LARGE1: variants seen among roughly 807,000 people sequenced by gnomAD.
LARGE1 encodes the protein xylosyl- and glucuronyltransferase LARGE1.
LARGE1 carries 43 observed loss-of-function variants against 87.6 expected under a neutral mutation model. The ratio of observed to expected loss-of-function variants is 0.49; its 90% CI spans 0.38 to 0.63. The LOEUF (loss-of-function observed/expected upper bound fraction) is 0.63. Ranked by LOEUF, LARGE1 falls within the 30% of genes least tolerant of loss-of-function variation. The pLI is 0.00. For synonymous variants in LARGE1, 434 were observed against 394.6 expected (o/e 1.10, Z -1.18); for missense variants, 802 against 1,000.2 (o/e 0.80, Z 2.67).
At chr22:33,171,531 T>C (rs1245477983) in intron 11 of LARGE1, among the ~76,000 whole-genome samples, 1 of 152,182 alleles carries the variant, frequency 6.6e-6, no homozygotes, top group Non-Finnish European at 1.5e-5. Context: ...CACTGCTCTG[T>C]GTAGCTTCCA....
intron 7 of LARGE1, among the ~76,000 whole-genome samples, chr22:33,414,187 G>A (rs888065602): frequency 6.6e-6 from 1 of 152,012 alleles, no homozygotes; most frequent in Non-Finnish European, 1.5e-5. Context: ...GTTCCATTAC[G>A]CCAAGTGAAA....
chr22:33,339,452 T>C (rs1938904124), intron 9 of LARGE1, among the ~76,000 whole-genome samples: 1 of 152,046 alleles, frequency 6.6e-6, no homozygotes, highest in Non-Finnish European at 1.5e-5. Context: ...ACTCAGACTG[T>C]AGGTACTGCA....
chr22:33,603,413 T>A (rs958123474), intron 5 of LARGE1, among the ~76,000 whole-genome samples: 1 of 152,216 alleles, frequency 6.6e-6, no homozygotes, highest in African/African-American at 2.4e-5. Context: ...GTACCTACTA[T>A]GCACCAGAAA....
At chr22:33,391,686 C>T (rs2065526623) in intron 7 of LARGE1, among the ~76,000 whole-genome samples, 1 of 151,136 alleles carries the variant, frequency 6.6e-6, no homozygotes, top group Non-Finnish European at 1.5e-5. Flanking sequence ...AGAAAGGCTG[C>T]ATAAAGTTGT....
Position 33,361,335 on chromosome 22 carries a change from T to A in LARGE1, c.1131+20584A>T, listed in dbSNP as rs1043360914. ...ACTTTCCTAATGAGGTTCACAGGGG[T>A]TTGACACAACAACTTCCTCTGAAAT... On this transcript the variant is annotated intron_variant, in intron 9 of 14. Coordinates refer to ENST00000397394, the MANE Select transcript of LARGE1 (RefSeq NM_133642.5). Among the ~76,000 whole-genome samples the A allele has an allele frequency of 1.5e-4, 22 of 148,196 alleles. 2 individuals carry two copies. The highest frequency in any genetic ancestry group is 4.9e-4 in the African/African-American group (20 of 40,492).
chr22:33,813,254 GAA>G (rs5845112), intron 1 of LARGE1, among the ~76,000 whole-genome samples: 68 of 114,464 alleles, frequency 5.9e-4, no homozygotes, highest in Admixed American at 7.2e-4. Flanking sequence ...TCCGTCTCAA[GAA>G]AAAAAAAAAA....
intron 2 of LARGE1, among the ~76,000 whole-genome samples, chr22:33,749,264 G>A (rs150187234): frequency 6.6e-6 from 1 of 152,236 alleles, no homozygotes; most frequent in Non-Finnish European, 1.5e-5. Context: ...ACAGGCATGT[G>A]CCACCACGCC....
chr22:33,447,068 A>G (rs1048759602), intron 6 of LARGE1, among the ~76,000 whole-genome samples: 2 of 152,076 alleles, frequency 1.3e-5, no homozygotes, highest in Non-Finnish European at 2.9e-5. Flanking sequence ...TAATTTTTGT[A>G]TTTTTAGTAG....
intron 2 of LARGE1, among the ~76,000 whole-genome samples, chr22:33,728,551 CAAAAAAAAAAAAAAAAAA>C (rs57790780): frequency 5.3e-5 from 2 of 37,462 alleles, no homozygotes; most frequent in Non-Finnish European, 1.4e-4. Context: ...CCCCTACCAC[CAAAAAAAAAAAAAAAAAA>C]AAAAAAAAAA....
At chr22:33,286,160 C>T (rs1260855331) in intron 12 of LARGE1, among the ~76,000 whole-genome samples, 2 of 152,166 alleles carry the variant, frequency 1.3e-5, no homozygotes, top group African/African-American at 4.8e-5. Context: ...GTCAGCCTGT[C>T]CCAGCCTGGA....
chr22:33,688,159 G>T (rs1037846718), intron 2 of LARGE1, among the ~76,000 whole-genome samples: 1 of 152,188 alleles, frequency 6.6e-6, no homozygotes, highest in African/African-American at 2.4e-5. Context: ...CTCGAACGCT[G>T]TCTCTATCTC....
chr22:33,145,174 C>T, the LARGE1 span, among the ~76,000 whole-genome samples: 1 of 152,038 alleles, frequency 6.6e-6, no homozygotes, highest in African/African-American at 2.4e-5. Context: ...ACATATGATT[C>T]TATTTTATGT....
intron 1 of LARGE1, among the ~76,000 whole-genome samples, chr22:33,809,374 C>T (rs2086420646): frequency 6.6e-6 from 1 of 152,196 alleles, no homozygotes. Context: ...ACTATATGTT[C>T]CATGCCCTCA....
chr22:33,588,829 G>A (rs897389015), intron 5 of LARGE1, among the ~76,000 whole-genome samples: 1 of 152,166 alleles, frequency 6.6e-6, no homozygotes, highest in Admixed American at 6.5e-5. Context: ...ACACAGAAGG[G>A]AGGAACAGAA....
chr22:33,157,147 T>C, the LARGE1 span, among the ~76,000 whole-genome samples: 1 of 152,236 alleles, frequency 6.6e-6, no homozygotes, highest in Non-Finnish European at 1.5e-5. Flanking sequence ...AAGACTGGCC[T>C]TTTGTAGTAT....
chr22:33,819,210 C>T (rs2086747191), intron 1 of LARGE1, among the ~76,000 whole-genome samples: 1 of 152,120 alleles, frequency 6.6e-6, no homozygotes, highest in African/African-American at 2.4e-5. Flanking sequence ...CAACAGCCAA[C>T]TTTTGTCAGT....
the LARGE1 span, among the ~76,000 whole-genome samples, chr22:33,150,093 A>C: frequency 1.3e-5 from 2 of 152,178 alleles, no homozygotes; most frequent in African/African-American, 2.4e-5. Context: ...GTTTTATCTG[A>C]GTTTCTTCCT....
chr22:33,488,507 TAAC>T (rs1381157187), intron 6 of LARGE1, among the ~76,000 whole-genome samples: 1 of 152,220 alleles, frequency 6.6e-6, no homozygotes, highest in Non-Finnish European at 1.5e-5. Context: ...GGGGCTGTCT[TAAC>T]AAGTACTTTC....
the LARGE1 span, among the ~76,000 whole-genome samples, chr22:33,135,216 C>T: frequency 6.6e-6 from 1 of 152,116 alleles, no homozygotes; most frequent in African/African-American, 2.4e-5. Flanking sequence ...ACTTGATGCC[C>T]CTCTGCCTGT....
Sources: gnomAD v4.1 joint callset for allele counts (sites outside exome capture counted in the v4.1 genomes callset) on GRCh38, gnomAD v4.1.1 for gene constraint, MANE v1.5 for transcripts, NCBI Gene and HGNC (gene_info 2026-07-23, HGNC 2026-07-21) for gene names.